CELF2: variants seen among roughly 807,000 people sequenced by gnomAD.
CELF2 encodes the protein CUG triplet repeat RNA-binding protein 2.
CELF2 carries 8 observed loss-of-function variants against 62.6 expected under a neutral mutation model. That is an observed-to-expected ratio of 0.13 (90% CI 0.07 to 0.23). CELF2 has a LOEUF of 0.23. Among genes scored for constraint, CELF2 ranks in the 10% least tolerant of loss-of-function variants. The probability of loss-of-function intolerance (pLI) is 1.00; values close to 1 mark genes in which losing one functional copy is unlikely to be tolerated. For missense variants in CELF2, 333 were observed against 671.0 expected (o/e 0.50, Z 5.56); for synonymous variants, 258 against 250.0 (o/e 1.03, Z -0.30).
intron 1 of CELF2, among the ~76,000 whole-genome samples, chr10:10,849,008 T>G (rs115678767): frequency 0.028 from 4,330 of 152,266 alleles, 120 homozygotes; most frequent in Middle Eastern, 0.065. Flanking sequence ...GTCCTTCTTC[T>G]GAAATTGCAA....
chr10:10,988,594 A>C (rs2053086579), intron 2 of CELF2, among the ~76,000 whole-genome samples: 1 of 152,110 alleles, frequency 6.6e-6, no homozygotes, highest in South Asian at 2.1e-4. Context: ...GTGCACTCAA[A>C]TCTCAGAAAT....
chr10:10,953,519 A>T (rs948398602), intron 2 of CELF2, among the ~76,000 whole-genome samples: 3 of 152,202 alleles, frequency 2.0e-5, no homozygotes, highest in Non-Finnish European at 4.4e-5. Context: ...ACTTTCTTGT[A>T]TATTGTTCTT....
the CELF2 span, among the ~76,000 whole-genome samples, chr10:10,564,671 C>G: frequency 1.0e-5 from 1 of 99,042 alleles, no homozygotes; most frequent in Non-Finnish European, 2.0e-5. Flanking sequence ...CACACACACA[C>G]ACGCACACAC....
the CELF2 span, among the ~76,000 whole-genome samples, chr10:10,669,644 A>T: frequency 0.032 from 4,820 of 152,308 alleles, 187 homozygotes; most frequent in Admixed American, 0.084. Flanking sequence ...ATCATCTGCT[A>T]TCACTCCTTA....
Position 11,288,453 on chromosome 10 carries a change from C to G in CELF2, c.877C>G (p.Leu293Val), listed in dbSNP as rs376016545. 23 of 1,613,862 alleles carry G rather than the reference C, an allele frequency of 1.4e-5. No individual in the cohort carries two copies. Among genetic ancestry groups the G allele is most frequent in the Non-Finnish European group, 2.5e-6 (3 of 1,180,052 alleles). The change falls in exon 9 of 13, where the codon CTG becomes GTG. Residue 293 changes from leucine to valine, a missense_variant. By Grantham distance (32) the Leu-to-Val change is conservative (BLOSUM62 1). Coordinates refer to ENST00000633077, the MANE Select transcript of CELF2 (RefSeq NM_001326342.2). Reference sequence around the variant, plus strand: ...TTTACAGTTGCAGAACCTGGCGACGCTGGCTGCTGCTGCAGCTGCGGCCCA... The same window carrying G: ...TTTACAGTTGCAGAACCTGGCGACGGTGGCTGCTGCTGCAGCTGCGGCCCA... ...NALQLQNLAT[L>V]AAAAAAAQTS...
At chr10:11,292,990 A>T (rs1046044661) in intron 9 of CELF2, among the ~76,000 whole-genome samples, 3 of 152,254 alleles carry the variant, frequency 2.0e-5, no homozygotes, top group Admixed American at 2.0e-4. Context: ...TGTCTGTCTT[A>T]CACACTGTTG....
intron 9 of CELF2, among the ~76,000 whole-genome samples, chr10:11,299,365 A>T (rs1257821039): frequency 6.6e-6 from 1 of 151,784 alleles, no homozygotes; most frequent in Non-Finnish European, 1.5e-5. Flanking sequence ...GCGCCAGGTG[A>T]CCTCTTGCCC....
At chr10:10,651,039 C>T in the CELF2 span, among the ~76,000 whole-genome samples, 17 of 151,842 alleles carry the variant, frequency 1.1e-4, no homozygotes, top group Non-Finnish European at 2.4e-4. Context: ...CGAAGCAGGG[C>T]GAGGCATTGC....
chr10:11,267,907 G>C lies in CELF2; in HGVS notation c.618+1230G>C, dbSNP rs1489741575. The stretch of plus-strand genomic sequence containing the variant: ...AAGCCTATTGTCTTTTTCGAACATT[G>C]ATCTTGACTTTGATATTCCTAACAT... On this transcript the variant is annotated intron_variant, in intron 6 of 12. Coordinates refer to ENST00000633077, the MANE Select transcript of CELF2 (RefSeq NM_001326342.2). The surrounding 1 kb of genome is among the most constrained non-coding windows in gnomAD (Gnocchi z 4.4). 6.6e-6 allele frequency among the ~76,000 whole-genome samples: 1 copy of C among 152,088 alleles called. No homozygotes were observed. Among genetic ancestry groups the C allele is most frequent in the Non-Finnish European group, 1.5e-5 (1 of 68,012 alleles).
At chr10:10,904,102 C>A (rs758429552) in intron 1 of CELF2, among the ~76,000 whole-genome samples, 6 of 152,202 alleles carry the variant, frequency 3.9e-5, no homozygotes, top group Non-Finnish European at 7.3e-5. Context: ...CTCAAATGTA[C>A]CCATGGAATA....
At chr10:10,711,031 C>A in the CELF2 span, among the ~76,000 whole-genome samples, 5 of 151,994 alleles carry the variant, frequency 3.3e-5, no homozygotes, top group Admixed American at 1.3e-4. Context: ...TATTTTGGTC[C>A]AGAGAATTGT....
chr10:11,119,864 T>TCCCCCCCCCCCCCC (rs57433204), intron 1 of CELF2, among the ~76,000 whole-genome samples: 15 of 112,092 alleles, frequency 1.3e-4, no homozygotes, highest in African/African-American at 2.3e-4. Flanking sequence ...TGATTCCGCC[T>TCCCCCCCCCCCCCC]CCCCCCCCCC....
intron 1 of CELF2, among the ~76,000 whole-genome samples, chr10:11,151,631 C>A (rs2063351304): frequency 6.6e-6 from 1 of 151,974 alleles, no homozygotes; most frequent in Non-Finnish European, 1.5e-5. Flanking sequence ...CAGAGAGCCA[C>A]CTGGCCACAG....
At chr10:10,773,768 C>T in the CELF2 span, among the ~76,000 whole-genome samples, 1 of 152,192 alleles carries the variant, frequency 6.6e-6, no homozygotes, top group Non-Finnish European at 1.5e-5. Flanking sequence ...AATCTCTCAA[C>T]CTTGACCTTT....
the CELF2 span, among the ~76,000 whole-genome samples, chr10:10,478,583 G>C: frequency 1.3e-5 from 2 of 152,168 alleles, no homozygotes; most frequent in East Asian, 1.9e-4. Context: ...AGAGGAAAAT[G>C]ATGTTTTGGT....
At chr10:11,059,664 G>A (rs911768144) in intron 1 of CELF2, among the ~76,000 whole-genome samples, 1 of 152,132 alleles carries the variant, frequency 6.6e-6, no homozygotes, top group Admixed American at 6.5e-5. Flanking sequence ...TGCAGACTCC[G>A]AGATAGCAGC....
intron 2 of CELF2, among the ~76,000 whole-genome samples, chr10:10,922,264 A>C (rs1050215535): frequency 2.6e-5 from 4 of 152,188 alleles, no homozygotes; most frequent in Middle Eastern, 3.4e-3. Flanking sequence ...CTCCCCGCTA[A>C]AATTGTTTGT....
intron 1 of CELF2, among the ~76,000 whole-genome samples, chr10:11,109,474 C>A (rs1236790203): frequency 6.6e-6 from 1 of 152,108 alleles, no homozygotes; most frequent in African/African-American, 2.4e-5. Context: ...CAAGAAAGAG[C>A]CTTTAAATCA....
chr10:10,740,492 G>A, the CELF2 span, among the ~76,000 whole-genome samples: 1 of 152,068 alleles, frequency 6.6e-6, no homozygotes, highest in Non-Finnish European at 1.5e-5. Flanking sequence ...ATGGAAAATG[G>A]TATGGAGGTT....
Sources: gnomAD v4.1 joint callset for allele counts (sites outside exome capture counted in the v4.1 genomes callset) on GRCh38, gnomAD v4.1.1 for gene constraint, Gnocchi (gnomAD v3.1) non-coding constraint, MANE v1.5 for transcripts, NCBI Gene and HGNC (gene_info 2026-07-23, HGNC 2026-07-21) for gene names.